RBMS3: variants seen among roughly 807,000 people sequenced by gnomAD.
The protein encoded by RBMS3 is RNA-binding motif, single-stranded-interacting protein 3.
Under a neutral mutation model 66.8 loss-of-function variants are expected in RBMS3, and 27 were observed. The ratio of observed to expected loss-of-function variants is 0.40; its 90% CI spans 0.30 to 0.56. The LOEUF (loss-of-function observed/expected upper bound fraction) is 0.56, where lower values mean the gene tolerates loss of function less well. Ranked by LOEUF, RBMS3 falls within the 20% of genes least tolerant of loss-of-function variation. The pLI is 0.40. For synonymous variants in RBMS3, 188 were observed against 183.0 expected (o/e 1.03, Z -0.22); for missense variants, 513 against 549.5 (o/e 0.93, Z 0.66).
intron 4 of RBMS3, among the ~76,000 whole-genome samples, chr3:29,610,212 G>A (rs558524946): frequency 3.3e-5 from 5 of 151,906 alleles, no homozygotes; most frequent in African/African-American, 4.8e-5. Flanking sequence ...GTGAATACAG[G>A]TACACTCTAG....
chr3:29,298,788 C>G (rs975481498), intron 1 of RBMS3, among the ~76,000 whole-genome samples: 42 of 151,942 alleles, frequency 2.8e-4, no homozygotes, highest in African/African-American at 9.9e-4. Context: ...ATCTTCTAGT[C>G]CAGTACTGTA....
intron 5 of RBMS3, among the ~76,000 whole-genome samples, chr3:29,754,698 T>C (rs1006992705): frequency 6.6e-6 from 1 of 152,200 alleles, no homozygotes; most frequent in Non-Finnish European, 1.5e-5. Flanking sequence ...CCTAGATTCA[T>C]GTTGCCCTGA....
At chr3:29,490,281 A>G (rs2043492824) in intron 3 of RBMS3, among the ~76,000 whole-genome samples, 2 of 151,574 alleles carry the variant, frequency 1.3e-5, no homozygotes. Flanking sequence ...GGGAGTGGAA[A>G]CAAAAAAAAA....
chr3:29,465,389 G>A (rs766500659), intron 2 of RBMS3, among the ~76,000 whole-genome samples: 1 of 150,644 alleles, frequency 6.6e-6, no homozygotes, highest in Non-Finnish European at 1.5e-5. Flanking sequence ...TGAGAACACT[G>A]TAGCACTTAA....
intron 6 of RBMS3, among the ~76,000 whole-genome samples, chr3:29,780,005 C>A (rs901138545): frequency 2.0e-5 from 3 of 151,320 alleles, no homozygotes; most frequent in Admixed American, 1.3e-4. Flanking sequence ...GATTGATAAA[C>A]CCTGCATGGA....
chr3:29,747,206 G>A (rs771515181), intron 5 of RBMS3, among the ~76,000 whole-genome samples: 1 of 151,984 alleles, frequency 6.6e-6, no homozygotes, highest in Non-Finnish European at 1.5e-5. Context: ...CTGTGAATTG[G>A]GCCAATACAT....
intron 4 of RBMS3, among the ~76,000 whole-genome samples, chr3:29,595,183 G>A (rs948547780): frequency 6.6e-6 from 1 of 151,986 alleles, no homozygotes; most frequent in Non-Finnish European, 1.5e-5. Flanking sequence ...AGGATCACAA[G>A]GTCAGGATTT....
intron 1 of RBMS3, among the ~76,000 whole-genome samples, chr3:29,374,466 A>G (rs2038362819): frequency 6.6e-6 from 1 of 152,240 alleles, no homozygotes; most frequent in Non-Finnish European, 1.5e-5. Context: ...ATTTGCATTT[A>G]GTAGAAACTG....
rs191800283 is a variant in RBMS3, at chr3:29,477,854, C to A, written c.249-10587C>A. On this transcript the variant is annotated intron_variant, in intron 2 of 14. Transcript: ENST00000383767. ...AATCTCAGTTCACTGCAACCTCTGC[C>A]TCCTGGGCTCAAGTGATCCTCCCAC... 2.1e-4 allele frequency among the ~76,000 whole-genome samples: 32 copies of A among 152,266 alleles called. No individual in the cohort carries two copies. The East Asian group carries it at 6.0e-3, about 29-fold the overall frequency.
At chr3:29,998,717 AG>A (rs1356441634) in intron 14 of RBMS3, among the ~76,000 whole-genome samples, 2 of 152,230 alleles carry the variant, frequency 1.3e-5, no homozygotes. Flanking sequence ...AGCCATATGT[AG>A]AAAGCTGAAA....
chr3:29,821,519 A>G (rs952739332), intron 6 of RBMS3, among the ~76,000 whole-genome samples: 1 of 152,308 alleles, frequency 6.6e-6, no homozygotes, highest in East Asian at 1.9e-4. Flanking sequence ...TAGGCTTATA[A>G]AGAAACCATA....
At chr3:29,890,872 T>TG (rs1463632309) in intron 8 of RBMS3, among the ~76,000 whole-genome samples, 1 of 147,708 alleles carries the variant, frequency 6.8e-6, no homozygotes, top group African/African-American at 2.6e-5. Context: ...TTTTTATTTA[T>TG]TTTTTTTTCA....
At chr3:29,598,545 C>T (rs2048039686) in intron 4 of RBMS3, among the ~76,000 whole-genome samples, 1 of 152,010 alleles carries the variant, frequency 6.6e-6, no homozygotes, top group South Asian at 2.1e-4. Flanking sequence ...TATTCTCTCT[C>T]CCTTACTTAA....
At chr3:29,785,700 A>G (rs1218536762) in intron 6 of RBMS3, among the ~76,000 whole-genome samples, 2 of 152,102 alleles carry the variant, frequency 1.3e-5, no homozygotes, top group Non-Finnish European at 2.9e-5. Context: ...CCTTAACATA[A>G]TAAAAGCCGT....
chr3:29,898,397 G>A (rs2149604954), intron 9 of RBMS3, among the ~76,000 whole-genome samples: 1 of 151,644 alleles, frequency 6.6e-6, no homozygotes, highest in East Asian at 2.0e-4. Context: ...TATATAATGA[G>A]TAAAACTGTA....
At chr3:29,659,353 T>G (rs1050884060) in intron 4 of RBMS3, among the ~76,000 whole-genome samples, 1 of 152,126 alleles carries the variant, frequency 6.6e-6, no homozygotes, top group Non-Finnish European at 1.5e-5. Context: ...CTTTTAAAAC[T>G]AAAACTCCAT....
intron 1 of RBMS3, among the ~76,000 whole-genome samples, chr3:29,401,165 G>A (rs1374471418): frequency 1.3e-5 from 2 of 151,958 alleles, no homozygotes; most frequent in African/African-American, 4.8e-5. Flanking sequence ...AGTTCGCTAG[G>A]AGTTGTCCCA....
intron 6 of RBMS3, among the ~76,000 whole-genome samples, chr3:29,799,786 T>C (rs2057330075): frequency 1.3e-5 from 2 of 152,214 alleles, no homozygotes; most frequent in South Asian, 4.1e-4. Context: ...TAAAATTTTG[T>C]TACTCCTTGT....
At chr3:29,308,409 A>G (rs2034148661) in intron 1 of RBMS3, among the ~76,000 whole-genome samples, 1 of 151,802 alleles carries the variant, frequency 6.6e-6, no homozygotes, top group Non-Finnish European at 1.5e-5. Context: ...AGTATATCAC[A>G]GTGTTTGGTA....
Sources: gnomAD v4.1 joint callset for allele counts (sites outside exome capture counted in the v4.1 genomes callset) on GRCh38, gnomAD v4.1.1 for gene constraint, MANE v1.5 for transcripts, NCBI Gene and HGNC (gene_info 2026-07-23, HGNC 2026-07-21) for gene names.